Variants in GRIN2D observed in about 807,000 individuals in gnomAD.
The protein encoded by GRIN2D is glutamate receptor ionotropic, NMDA 2D.
A neutral mutation model predicts 103.2 loss-of-function variants in GRIN2D; 37 were observed. The ratio of observed to expected loss-of-function variants is 0.36; its 90% confidence interval spans 0.28 to 0.47. The LOEUF (loss-of-function observed/expected upper bound fraction) is 0.47, where lower values mean the gene tolerates loss of function less well. Ranked by LOEUF, GRIN2D falls within the 20% of genes least tolerant of loss-of-function variation. The probability of loss-of-function intolerance (pLI) is 1.00; values close to 1 mark genes in which losing one functional copy is unlikely to be tolerated. For synonymous variants in GRIN2D, 845 were observed against 885.6 expected (o/e 0.95, Z 0.81); for missense variants, 1,557 against 1,910.6 (o/e 0.81, Z 3.45).
chr19:48,424,340 G>T (rs1259652397), intron 11 of GRIN2D, among the ~76,000 whole-genome samples: 1 of 141,736 alleles, frequency 7.1e-6, no homozygotes, highest in Non-Finnish European at 1.5e-5. Context: ...GCACAATCTC[G>T]GCTCACTGCA....
Position 48,443,447 on chromosome 19 carries a change from G to A in GRIN2D, c.3521G>A (p.Gly1174Asp). The change falls in exon 14 of 14, where the codon GGT (glycine) becomes GAT (aspartate). Residue 1174 changes from glycine to aspartate, a missense_variant. Transcript: ENST00000263269. This position sits in a 1 kb window ranked among gnomAD's most constrained non-coding sequence, Gnocchi z 8.9. ...GSWDYLPPRS[G>D]PAAWHCRHCA... ...TGGGACTACCTGCCCCCGCGCAGCG[G>A]TCCGGCCGCCTGGCACTGTCGGCAC... 1 of 1,384,114 alleles carries A rather than the reference G, an allele frequency of 7.2e-7. No individual in the cohort carries two copies. The highest frequency in any genetic ancestry group is 9.3e-7 in the Non-Finnish European group (1 of 1,073,584). The allele number at this position is 1,384,114 out of a possible 1,614,324, so 85.7% of individuals were successfully genotyped here. A position where few individuals can be genotyped will look rare whatever the true frequency, so the allele number is the denominator to read the frequency against.
Position 48,421,553 on chromosome 19 carries a change from C to T in GRIN2D, c.2092-232C>T, listed in dbSNP as rs1180512865. On this transcript the variant is annotated intron_variant, in intron 10 of 13. Coordinates refer to ENST00000263269, the MANE Select transcript of GRIN2D (RefSeq NM_000836.4). This position sits in a 1 kb window ranked among gnomAD's most constrained non-coding sequence, Gnocchi z 4.8. ...GTAAGTGAAGACTTAACACCTGGCA[C>T]ATCAGGGGCCTCAGGGAGGCTTCTC... 6.6e-6 allele frequency among the ~76,000 whole-genome samples: 1 copy of T among 152,212 alleles called. No individual in the cohort carries two copies. Among genetic ancestry groups the T allele is most frequent in the African/African-American group, 2.4e-5 (1 of 41,448 alleles).
At chr19:48,410,627 G>A (rs2147446801) in intron 4 of GRIN2D, among the ~76,000 whole-genome samples, 1 of 151,922 alleles carries the variant, frequency 6.6e-6, no homozygotes, top group South Asian at 2.1e-4. Flanking sequence ...CCACAGCACT[G>A]GTGAGCCAGG....
At position 48,401,829 on chromosome 19, in the gene GRIN2D, A is replaced by C. The variant is rs575100718; in HGVS notation, c.466-2905A>C. Among the ~76,000 whole-genome samples the C allele has an allele frequency of 7.2e-5, 11 of 152,356 alleles. No homozygotes were observed. The East Asian group carries it at 2.1e-3, about 29-fold the overall frequency. On this transcript the variant is annotated intron_variant, in intron 3 of 13. Transcript: ENST00000263269. The stretch of plus-strand genomic sequence containing the variant: ...TTGAAAACAAAGATAGGCTGGGCGC[A>C]GTGGCTCATGCCTGGAATCCCACCA...
intron 2 of GRIN2D, among the ~76,000 whole-genome samples, chr19:48,396,575 G>A (rs1386023466): frequency 6.6e-6 from 1 of 151,942 alleles, no homozygotes; most frequent in Non-Finnish European, 1.5e-5. Context: ...TATTCTGAGC[G>A]CTGATTGAGC....
At chr19:48,400,648 G>GC (rs1569058389) in intron 3 of GRIN2D, among the ~76,000 whole-genome samples, 3 of 152,166 alleles carry the variant, frequency 2.0e-5, no homozygotes, top group African/African-American at 7.2e-5. Flanking sequence ...TCCCCGTGCT[G>GC]CCCCTGGATG....
chr19:48,413,112 G>A (rs2147449740), intron 4 of GRIN2D, among the ~76,000 whole-genome samples: 1 of 149,144 alleles, frequency 6.7e-6, no homozygotes, highest in South Asian at 2.1e-4. Flanking sequence ...CTCCAGCCTG[G>A]GCAACAAGAG....
At chr19:48,420,488 G>T (rs1394567441) in intron 10 of GRIN2D, among the ~76,000 whole-genome samples, 5 of 152,002 alleles carry the variant, frequency 3.3e-5, no homozygotes, top group African/African-American at 1.2e-4. Flanking sequence ...CAACGGAAAT[G>T]AATTATTAGA....
intron 8 of GRIN2D, among the ~76,000 whole-genome samples, chr19:48,418,355 A>T (rs191403984): frequency 1.3e-5 from 2 of 151,986 alleles, no homozygotes; most frequent in Non-Finnish European, 2.9e-5. Context: ...TGAGTAAAGC[A>T]TGGGTGCTTG....
Position 48,405,058 on chromosome 19 carries a change from G to A in GRIN2D, c.790G>A (p.Gly264Ser). 6.2e-7 allele frequency: 1 copy of A among 1,607,722 alleles called. No homozygotes were observed. Residue 264 changes from glycine (G) to serine (S), a missense_variant, in exon 4 of 14, where the codon GGC becomes AGC. This residue lies in a region of GRIN2D where 490 missense variants were observed against 601.1 expected (regional missense o/e 0.82). Coordinates refer to ENST00000263269, the MANE Select transcript of GRIN2D (RefSeq NM_000836.4). This position sits in a 1 kb window ranked among gnomAD's most constrained non-coding sequence, Gnocchi z 5.1. ...EPVFRAAEEA[G>S]LTGSGYVWFM... is the part of the protein sequence containing the mutation. ...CGTGTTCCGCGCAGCTGAGGAGGCTGGCCTCACTGGATCTGGCTACGTCTG... is the reference window on the plus strand; with the variant it reads ...CGTGTTCCGCGCAGCTGAGGAGGCTAGCCTCACTGGATCTGGCTACGTCTG...
chr19:48,401,265 G>GAAA (rs375552992), intron 3 of GRIN2D, among the ~76,000 whole-genome samples: 35 of 150,410 alleles, frequency 2.3e-4, no homozygotes, highest in Non-Finnish European at 4.0e-4. Flanking sequence ...GAGGGGGGGG[G>GAAA]AAAAAAAGAG....
chr19:48,442,845 A>AGGCCTC lies in GRIN2D; in HGVS notation c.2925_2930dup (p.Leu977_Gly978dup). The AGGCCTC allele has an allele frequency of 2.8e-6, 3 of 1,084,618 alleles. No individual in the cohort carries two copies. Among genetic ancestry groups the AGGCCTC allele is most frequent in the Non-Finnish European group, 3.3e-6 (3 of 895,668 alleles). The allele number at this position is 1,084,618 out of a possible 1,614,324, so 67.2% of individuals were successfully genotyped here. On this transcript the variant is annotated inframe_insertion, in exon 14 of 14. Coordinates refer to ENST00000263269, the MANE Select transcript of GRIN2D (RefSeq NM_000836.4). This position sits in a 1 kb window ranked among gnomAD's most constrained non-coding sequence, Gnocchi z 7.2. The stretch of plus-strand genomic sequence containing the variant: ...ACGGCCCCATCGAGCCGCAGGGCCT[A>AGGCCTC]GGCCTCGGCCTGGGCGAAGCGCGCG...
In GRIN2D at chr19:48,442,708, G is replaced by A. The variant is rs1246764246; in HGVS notation, c.2782G>A (p.Gly928Arg). 1.8e-6 allele frequency: 2 copies of A among 1,140,098 alleles called. No homozygotes were observed. The allele number at this position is 1,140,098 out of a possible 1,614,324, so 70.6% of individuals were successfully genotyped here. ...PAYPAPRPAP[G>R]PAPFVPRERA... Reference sequence around the variant, plus strand: ...GTACCCCGCGCCGCGGCCGGCTCCCGGGCCCGCACCTTTCGTGCCCCGCGA... The same window carrying A: ...GTACCCCGCGCCGCGGCCGGCTCCCAGGCCCGCACCTTTCGTGCCCCGCGA... The change falls in exon 14 of 14, where the codon GGG (glycine) becomes AGG (arginine). Residue 928 changes from glycine (G) to arginine (R), a missense_variant. Physicochemically the swap from Gly to Arg is moderately radical, Grantham distance 125. Coordinates refer to ENST00000263269, the MANE Select transcript of GRIN2D (RefSeq NM_000836.4). The surrounding 1 kb of genome is among the most constrained non-coding windows in gnomAD (Gnocchi z 7.2).
intron 4 of GRIN2D, 23 bp from the exon 5 acceptor site, chr19:48,413,968 C>A: frequency 7.4e-7 from 1 of 1,355,134 alleles, no homozygotes; most frequent in Non-Finnish European, 1.1e-6. Context: ...CCCAGCATGT[C>A]CCCTTTCCCT....
At chr19:48,399,884 C>CG (rs1214308872) in intron 3 of GRIN2D, among the ~76,000 whole-genome samples, 12 of 9,024 alleles carry the variant, frequency 1.3e-3, no homozygotes, top group Admixed American at 0.01. Flanking sequence ...CAGTTGGGGG[C>CG]GGGGCCAGCG....
chr19:48,404,042 C>G (rs928272497), intron 3 of GRIN2D, among the ~76,000 whole-genome samples: 1 of 152,174 alleles, frequency 6.6e-6, no homozygotes, highest in Non-Finnish European at 1.5e-5. Flanking sequence ...GAGTTCAAGA[C>G]CAGCCTGGCC....
chr19:48,402,723 CAAAAAAAAAAAAAA>C (rs773669453), intron 3 of GRIN2D, among the ~76,000 whole-genome samples: 21 of 43,136 alleles, frequency 4.9e-4, no homozygotes, highest in Non-Finnish European at 6.4e-4. Flanking sequence ...GACTCCGTCT[CAAAAAAAAAAAAAA>C]AAAAAAAAAA....
chr19:48,440,060 A>C (rs771410748), intron 11 of GRIN2D, among the ~76,000 whole-genome samples: 8 of 152,090 alleles, frequency 5.3e-5, no homozygotes, highest in Middle Eastern at 3.4e-3. Context: ...AAAAATACAA[A>C]ATTAGCCGTG....
chr19:48,404,624 T>C, intron 3 of GRIN2D, 110 bp from the exon 4 acceptor site: 1 of 1,103,330 alleles, frequency 9.1e-7, no homozygotes, highest in Non-Finnish European at 1.3e-6. Flanking sequence ...ATGGGTTTAG[T>C]GAACCTGTCG....
Sources: allele counts gnomAD v4.1 joint callset (sites outside exome capture counted in the v4.1 genomes callset), GRCh38; gene constraint gnomAD v4.1.1; regional missense constraint gnomAD v4.1.1; non-coding constraint Gnocchi (gnomAD v3.1); transcripts MANE v1.5; gene names NCBI Gene and HGNC (gene_info 2026-07-23, HGNC 2026-07-21).